The following SLC25A16 variants were observed in gnomAD, a reference collection of about 807,000 sequenced individuals.
The protein encoded by SLC25A16 is mitochondrial coenzyme A transporter SLC25A16.
SLC25A16 carries 39 observed loss-of-function variants against 41.5 expected under a neutral mutation model. That is an observed-to-expected ratio of 0.94 (90% CI 0.73 to 1.23). The LOEUF (loss-of-function observed/expected upper bound fraction) is 1.23. Ranked by LOEUF, SLC25A16 falls within the 50% of genes most tolerant of loss-of-function variation. The pLI, the probability that SLC25A16 is intolerant of heterozygous loss-of-function variation, is 0.00. For synonymous variants in SLC25A16, 146 were observed against 147.8 expected, an observed-to-expected ratio of 0.99 and a Z score of 0.09; for missense variants, 421 against 426.9, an observed-to-expected ratio of 0.99 and a Z score of 0.12.
chr10:68,501,229 C>T (rs1443425992), intron 4 of SLC25A16, among the ~76,000 whole-genome samples: 3 of 151,372 alleles, frequency 2.0e-5, no homozygotes, highest in Admixed American at 1.3e-4. Flanking sequence ...CCAACCTGGG[C>T]GACAGAGAGG....
intron 1 of SLC25A16, among the ~76,000 whole-genome samples, chr10:68,519,215 G>A (rs1273708098): frequency 3.3e-5 from 5 of 150,578 alleles, no homozygotes; most frequent in Admixed American, 1.3e-4. Flanking sequence ...AAGGCTGGGC[G>A]CAGTGGCTCA....
intron 2 of SLC25A16, 30 bp downstream of exon 2, chr10:68,516,721 C>A: frequency 7.0e-7 from 1 of 1,418,872 alleles, no homozygotes; most frequent in South Asian, 1.3e-5. Flanking sequence ...TATTTTCATT[C>A]ATTTTTATCT....
Position 68,483,257 on chromosome 10 carries a change from G to A in SLC25A16, c.*175C>T, listed in dbSNP as rs1467156659. 3.9e-6 allele frequency: 2 copies of A among 514,190 alleles called. No individual in the cohort carries two copies. The highest frequency in any genetic ancestry group is 3.0e-5 in the East Asian group (1 of 33,094). 31.9% of individuals were successfully genotyped at this position (514,190 alleles called of 1,614,324 possible). On this transcript the variant is annotated 3_prime_UTR_variant, in exon 9 of 9. Transcript: ENST00000609923. ...AAGGTATAATGTTTGGCATCAAAAA[G>A]TATGGTAAGCAGTTCTGATTTGTGA...
At position 68,478,449 on chromosome 10, in the gene SLC25A16, T is replaced by C. The variant is rs1157171564; in HGVS notation, c.*4983A>G. On this transcript the variant is annotated 3_prime_UTR_variant, in exon 9 of 9. Transcript: ENST00000609923. The stretch of plus-strand genomic sequence containing the variant: ...ATACAAGTGTGTCAGGTATTATTGA[T>C]CCAACTCTGCAAGGCAACCCATTAA... 2.0e-5 allele frequency: 3 copies of C among 152,270 alleles called. No individual in the cohort carries two copies. Among genetic ancestry groups the C allele is most frequent in the African/African-American group, 7.2e-5 (3 of 41,560 alleles). 9.4% of individuals were successfully genotyped at this position (152,270 alleles called of 1,614,324 possible).
intron 4 of SLC25A16, among the ~76,000 whole-genome samples, chr10:68,497,479 C>A (rs576837006): frequency 6.6e-6 from 1 of 152,040 alleles, no homozygotes; most frequent in African/African-American, 2.4e-5. Context: ...AGTGTGACAA[C>A]TAAAACTATG....
chr10:68,497,294 C>T (rs1157958198), intron 4 of SLC25A16, among the ~76,000 whole-genome samples: 1 of 152,154 alleles, frequency 6.6e-6, no homozygotes, highest in Non-Finnish European at 1.5e-5. Flanking sequence ...AAGAAGGACT[C>T]CAAGCGTCAT....
chr10:68,527,268 C>T lies in SLC25A16; in HGVS notation c.108G>A (p.Trp36Ter). The change falls in exon 1 of 9, where the codon TGG (tryptophan) becomes TGA (stop). Residue 36 changes from tryptophan (W) to a stop codon, truncating the protein, a stop_gained. Coordinates refer to ENST00000609923, the MANE Select transcript of SLC25A16 (RefSeq NM_152707.4). LOFTEE classifies it high-confidence loss of function. ...CACCTCCGGCCAGAAAGGAGCGCAGCCAGTAGAAGTCTCTGCGGGTTGTGG... is the reference window on the plus strand; with the variant it reads ...CACCTCCGGCCAGAAAGGAGCGCAGTCAGTAGAAGTCTCTGCGGGTTGTGG... ...GGPTTRRDFY[W>*]LRSFLAGGIA... 1 of 1,548,382 alleles carries T rather than the reference C, an allele frequency of 6.5e-7. No homozygotes were observed. The highest frequency in any genetic ancestry group is 8.7e-7 in the Non-Finnish European group (1 of 1,145,828).
chr10:68,527,424 C>T lies in SLC25A16; in HGVS notation c.-49G>A, dbSNP rs951518858. The T allele has an allele frequency of 2.8e-6, 4 of 1,420,888 alleles. No individual in the cohort carries two copies. Among genetic ancestry groups the T allele is most frequent in the Admixed American group, 6.2e-5 (2 of 32,020 alleles). The allele number at this position is 1,420,888 out of a possible 1,614,324, so 88.0% of individuals were successfully genotyped here. A position where few individuals can be genotyped will look rare whatever the true frequency, so the allele number is the denominator to read the frequency against. On this transcript the variant is annotated 5_prime_UTR_variant, in exon 1 of 9. Transcript: ENST00000609923. ...CCTAGGTTGCCAACTTACAGAACAC[C>T]GGACGGGACCATAGCCGGAACAGGC... is the stretch of plus-strand genomic sequence containing the variant.
At chr10:68,490,963 C>T (rs2052647888) in intron 6 of SLC25A16, among the ~76,000 whole-genome samples, 2 of 151,814 alleles carry the variant, frequency 1.3e-5, no homozygotes, top group African/African-American at 4.8e-5. Context: ...GATCACAGCT[C>T]GCTGAAGCCT....
chr10:68,527,183 A>C (rs1590135128), intron 1 of SLC25A16, 63 bp downstream of exon 1: 2 of 1,509,536 alleles, frequency 1.3e-6, no homozygotes, highest in Non-Finnish European at 1.8e-6. Flanking sequence ...CTTGCATCCC[A>C]CTTGCCCACA....
rs776497836 is a variant in SLC25A16, at chr10:68,487,162, G to C, written c.824C>G (p.Pro275Arg). 6.2e-6 allele frequency: 10 copies of C among 1,612,912 alleles called. No individual in the cohort carries two copies. In the East Asian group the frequency reaches 2.2e-4, roughly 36 times the overall value. ...RRRMQLGTVLPEFEKCLTMRD... is the reference protein window; with the variant it reads ...RRRMQLGTVLREFEKCLTMRD... ...AACTTACAGGCACTTTTCAAATTCC[G>C]GCAGAACAGTTCCTAATTGCATTCG... Residue 275 changes from proline (P) to arginine (R), a missense_variant, in exon 8 of 9, where the codon CCG becomes CGG. By Grantham distance (103) the Pro-to-Arg change is moderately radical (BLOSUM62 -2). Coordinates refer to ENST00000609923, the MANE Select transcript of SLC25A16 (RefSeq NM_152707.4).
rs561493995 is a variant in SLC25A16, at chr10:68,484,603, T to C, written c.843-1015A>G. ...ACCATGCCTCACTAAATTTTTTGTT[T>C]GTTTGTTTTTAGTTAAAAAAAATTT... On this transcript the variant is annotated intron_variant, in intron 8 of 8. Coordinates refer to ENST00000609923, the MANE Select transcript of SLC25A16 (RefSeq NM_152707.4). Among the ~76,000 whole-genome samples the C allele has an allele frequency of 3.2e-3, 494 of 152,072 alleles. 5 individuals are homozygous for C. Among genetic ancestry groups the C allele is most frequent in the African/African-American group, 0.011 (468 of 41,498 alleles).
chr10:68,498,186 C>G (rs1007509654), intron 4 of SLC25A16, among the ~76,000 whole-genome samples: 3 of 152,176 alleles, frequency 2.0e-5, no homozygotes, highest in African/African-American at 7.2e-5. Flanking sequence ...CAGAACTTAC[C>G]TACATTCCAA....
chr10:68,494,345 C>T (rs928625845), intron 4 of SLC25A16, among the ~76,000 whole-genome samples: 7 of 139,612 alleles, frequency 5.0e-5, no homozygotes, highest in African/African-American at 1.7e-4. Flanking sequence ...TCCTGTAGTC[C>T]CAGCTAGTCG....
At chr10:68,484,730 C>A (rs1590088701) in intron 8 of SLC25A16, among the ~76,000 whole-genome samples, 1 of 152,258 alleles carries the variant, frequency 6.6e-6, no homozygotes, top group East Asian at 1.9e-4. Flanking sequence ...ATACAACAAG[C>A]ACAGGGTAAT....
At chr10:68,526,764 A>G (rs2053344527) in intron 1 of SLC25A16, among the ~76,000 whole-genome samples, 1 of 152,222 alleles carries the variant, frequency 6.6e-6, no homozygotes, top group African/African-American at 2.4e-5. Flanking sequence ...GTCACAGTTT[A>G]CTAGAATCAC....
At chr10:68,516,457 T>C (rs1257275410) in intron 2 of SLC25A16, among the ~76,000 whole-genome samples, 1 of 152,124 alleles carries the variant, frequency 6.6e-6, no homozygotes, top group African/African-American at 2.4e-5. Context: ...AATGCTTGCT[T>C]GGAGCAGAAT....
Position 68,502,558 on chromosome 10 carries a change from C to T in SLC25A16, c.421+1074G>A, listed in dbSNP as rs1040283290. 6.6e-5 allele frequency among the ~76,000 whole-genome samples: 10 copies of T among 150,868 alleles called. 1 individual carries two copies. Among genetic ancestry groups the T allele is most frequent in the South Asian group, 4.2e-4 (2 of 4,766 alleles). On this transcript the variant is annotated intron_variant, in intron 4 of 8. Transcript: ENST00000609923. ...CAGCCTGGGCAACATGACAAATGCC[C>T]GTCTCTACAGAGAATACAAAAATTA...
At chr10:68,513,720 T>C (rs2053109460) in intron 2 of SLC25A16, among the ~76,000 whole-genome samples, 1 of 151,984 alleles carries the variant, frequency 6.6e-6, no homozygotes, top group Non-Finnish European at 1.5e-5. Flanking sequence ...TGAAACCCCA[T>C]CTCTAGTAAA....
Sources: allele counts gnomAD v4.1 joint callset (sites outside exome capture counted in the v4.1 genomes callset), GRCh38; gene constraint gnomAD v4.1.1; transcripts MANE v1.5; gene names NCBI Gene and HGNC (gene_info 2026-07-23, HGNC 2026-07-21).